The following LRRC4C variants were observed in gnomAD, a reference collection of about 807,000 sequenced individuals.
The protein encoded by LRRC4C is leucine rich repeat containing 4C.
LRRC4C carries 5 observed loss-of-function variants against 33.6 expected under a neutral mutation model. That is an observed-to-expected ratio of 0.15 (90% CI 0.08 to 0.31). The LOEUF (loss-of-function observed/expected upper bound fraction) is 0.31, where lower values mean the gene tolerates loss of function less well. Ranked by LOEUF, LRRC4C falls within the 10% of genes least tolerant of loss-of-function variation. The probability of loss-of-function intolerance (pLI) is 1.00; values close to 1 mark genes in which losing one functional copy is unlikely to be tolerated. For synonymous variants in LRRC4C, 329 were observed against 302.0 expected (o/e 1.09, Z -0.93); for missense variants, 560 against 796.7 (o/e 0.70, Z 3.58).
chr11:40,242,068 C>T (rs1865962626), intron 4 of LRRC4C, among the ~76,000 whole-genome samples: 1 of 152,186 alleles, frequency 6.6e-6, no homozygotes, highest in Admixed American at 6.5e-5. Flanking sequence ...TGGAAGGCTC[C>T]TTGCCTGGAC....
chr11:40,763,340 T>G (rs1949313036), intron 2 of LRRC4C, among the ~76,000 whole-genome samples: 1 of 152,022 alleles, frequency 6.6e-6, no homozygotes, highest in Non-Finnish European at 1.5e-5. Flanking sequence ...AACATTTTTG[T>G]GAACTGCAGA....
intron 2 of LRRC4C, among the ~76,000 whole-genome samples, chr11:40,873,805 G>T (rs541304977): frequency 6.6e-6 from 1 of 151,950 alleles, no homozygotes; most frequent in East Asian, 1.9e-4. Flanking sequence ...TAACTTTTCT[G>T]CCTTCTTTGA....
At chr11:41,193,433 C>T (rs1946048742) in intron 1 of LRRC4C, among the ~76,000 whole-genome samples, 1 of 152,048 alleles carries the variant, frequency 6.6e-6, no homozygotes, top group African/African-American at 2.4e-5. Context: ...GACCAAGCAT[C>T]ATGAAACTCT....
intron 1 of LRRC4C, among the ~76,000 whole-genome samples, chr11:41,058,057 C>T (rs776226167): frequency 1.6e-4 from 25 of 152,164 alleles, no homozygotes; most frequent in Non-Finnish European, 3.5e-4. Flanking sequence ...AACTTGGGAC[C>T]CACTGAATGG....
chr11:40,768,077 G>A (rs976651011), intron 2 of LRRC4C, among the ~76,000 whole-genome samples: 4 of 151,738 alleles, frequency 2.6e-5, no homozygotes, highest in Non-Finnish European at 5.9e-5. Context: ...CAAACCTTTA[G>A]CCAGACTGAT....
chr11:41,046,464 G>C (rs777703772), intron 1 of LRRC4C, among the ~76,000 whole-genome samples: 11 of 152,096 alleles, frequency 7.2e-5, no homozygotes, highest in Non-Finnish European at 1.5e-4. Flanking sequence ...ATATCAAACT[G>C]TTTCTAACTC....
chr11:40,748,645 T>C (rs1046059323), intron 2 of LRRC4C, among the ~76,000 whole-genome samples: 18 of 152,024 alleles, frequency 1.2e-4, no homozygotes, highest in African/African-American at 4.1e-4. Context: ...AAAATAACTA[T>C]GAATGTAAAT....
intron 1 of LRRC4C, among the ~76,000 whole-genome samples, chr11:41,177,047 G>C (rs1945234918): frequency 6.6e-6 from 1 of 151,988 alleles, no homozygotes; most frequent in Admixed American, 6.6e-5. Context: ...AGTCAGGGGA[G>C]TCTCCACTAC....
chr11:40,191,058 C>A (rs1861800745), intron 5 of LRRC4C, among the ~76,000 whole-genome samples: 1 of 152,136 alleles, frequency 6.6e-6, no homozygotes, highest in Non-Finnish European at 1.5e-5. Flanking sequence ...TGAGTACTTA[C>A]TTAGCATTAT....
intron 1 of LRRC4C, among the ~76,000 whole-genome samples, chr11:41,336,734 T>A (rs985883317): frequency 6.6e-6 from 1 of 152,214 alleles, no homozygotes; most frequent in Non-Finnish European, 1.5e-5. Flanking sequence ...GGCCTTGCCA[T>A]GGCTGGTCCT....
At chr11:40,699,968 GA>G (rs1381288607) in intron 2 of LRRC4C, among the ~76,000 whole-genome samples, 1 of 152,094 alleles carries the variant, frequency 6.6e-6, no homozygotes, top group Non-Finnish European at 1.5e-5. Flanking sequence ...TAGTAGAGGA[GA>G]AAAAATGTGT....
intron 1 of LRRC4C, among the ~76,000 whole-genome samples, chr11:41,375,302 G>A (rs1219562722): frequency 6.6e-6 from 1 of 152,068 alleles, no homozygotes; most frequent in Non-Finnish European, 1.5e-5. Flanking sequence ...GGTGCTAACA[G>A]GAAATCAGAA....
At chr11:40,164,860 C>T (rs570353173) in intron 5 of LRRC4C, among the ~76,000 whole-genome samples, 5 of 152,082 alleles carry the variant, frequency 3.3e-5, no homozygotes, top group Non-Finnish European at 4.4e-5. Flanking sequence ...ATCATATGCA[C>T]CCCATAAATT....
At chr11:40,813,685 A>T (rs1951586837) in intron 2 of LRRC4C, among the ~76,000 whole-genome samples, 1 of 152,132 alleles carries the variant, frequency 6.6e-6, no homozygotes, top group Non-Finnish European at 1.5e-5. Flanking sequence ...TCATCTGCCT[A>T]TGATCCTGTA....
intron 3 of LRRC4C, among the ~76,000 whole-genome samples, chr11:40,439,349 T>A: frequency 6.6e-6 from 1 of 152,128 alleles, no homozygotes; most frequent in Non-Finnish European, 1.5e-5. Flanking sequence ...TCTAGTTTAC[T>A]GGTCTCCTTA....
At chr11:40,169,416 G>T (rs1384552070) in intron 5 of LRRC4C, among the ~76,000 whole-genome samples, 1 of 152,032 alleles carries the variant, frequency 6.6e-6, no homozygotes, top group Non-Finnish European at 1.5e-5. Flanking sequence ...AATTTTTGAG[G>T]TATAAATATT....
intron 1 of LRRC4C, among the ~76,000 whole-genome samples, chr11:41,269,496 A>T (rs2136820820): frequency 6.6e-6 from 1 of 152,176 alleles, no homozygotes; most frequent in African/African-American, 2.4e-5. Flanking sequence ...GCAAAGAGCC[A>T]ATCTAATTAG....
At chr11:40,168,035 T>G (rs902858133) in intron 5 of LRRC4C, among the ~76,000 whole-genome samples, 2 of 149,432 alleles carry the variant, frequency 1.3e-5, no homozygotes, top group South Asian at 2.1e-4. Flanking sequence ...AGAGCAAAAC[T>G]CTGTCTCAAA....
At chr11:40,162,012 C>T (rs1227796335) in intron 5 of LRRC4C, among the ~76,000 whole-genome samples, 2 of 152,076 alleles carry the variant, frequency 1.3e-5, no homozygotes, top group Non-Finnish European at 2.9e-5. Context: ...GATCAAGTTA[C>T]CAGCAAGTTC....
Sources: allele counts gnomAD v4.1 joint callset (sites outside exome capture counted in the v4.1 genomes callset), GRCh38; gene constraint gnomAD v4.1.1; transcripts MANE v1.5; gene names NCBI Gene and HGNC (gene_info 2026-07-23, HGNC 2026-07-21).